Variants in SGK1 observed in about 807,000 individuals in gnomAD.
The protein encoded by SGK1 is serum/glucocorticoid regulated kinase 1.
SGK1 carries 26 observed loss-of-function variants against 64.2 expected under a neutral mutation model. The observed-to-expected ratio is 0.40, with a 90% CI of 0.30 to 0.56. The LOEUF is 0.56. SGK1 is among the 20% of genes least tolerant of loss of function. The probability of loss-of-function intolerance (pLI) is 0.38; values close to 1 mark genes in which losing one functional copy is unlikely to be tolerated. For missense variants in SGK1, 519 were observed against 645.6 expected, an observed-to-expected ratio of 0.80 and a Z score of 2.12; for synonymous variants, 265 against 239.7, an observed-to-expected ratio of 1.11 and a Z score of -0.98.
intron 2 of SGK1, among the ~76,000 whole-genome samples, chr6:134,214,613 TTTAG>T (rs1775947679): frequency 3.7e-5 from 1 of 27,180 alleles, no homozygotes; most frequent in Non-Finnish European, 2.0e-4. Context: ...GTAATTAAAG[TTTAG>T]TTATTTAATA....
rs200176222 is a variant in SGK1, at chr6:134,204,923, T to TCTTC, written c.361+2429_361+2432dup. ...TTTCTTTTTCTTTCTTTCTTTTCTTTCTTCCTTCCTTCCTTCCCTCCCTCC... is the reference window on the plus strand; with the variant it reads ...TTTCTTTTTCTTTCTTTCTTTTCTTTCTTCCTTCCTTCCTTCCTTCCCTCCCTCC... On this transcript the variant is annotated intron_variant, in intron 3 of 13. Transcript: ENST00000367858. Among the ~76,000 whole-genome samples, 20 of 152,146 alleles carry TCTTC rather than the reference T, an allele frequency of 1.3e-4. No homozygotes were observed. In the East Asian group the frequency reaches 3.3e-3, roughly 25 times the overall value.
intron 2 of SGK1, among the ~76,000 whole-genome samples, chr6:134,250,495 G>A (rs1776590741): frequency 1.3e-5 from 2 of 152,154 alleles, no homozygotes; most frequent in Admixed American, 1.3e-4. Context: ...TCAATGACAA[G>A]TAAAAATAGA....
chr6:134,278,043 T>C (rs1777042682), intron 1 of SGK1, among the ~76,000 whole-genome samples: 1 of 152,160 alleles, frequency 6.6e-6, no homozygotes, highest in Non-Finnish European at 1.5e-5. Context: ...ATCCGTAAAA[T>C]GATGATCTTG....
At position 134,199,574 on chromosome 6, in the gene SGK1, A is replaced by AAAG. The variant is rs1554220194; in HGVS notation, c.361+7781_361+7782insCTT. ...ACTCTCTCTCAAAAAAAAAAAAAAA[A>AAAG]AAAGAAAGAGAGTTTACTTATGTAC... On this transcript the variant is annotated intron_variant, in intron 3 of 13. Transcript: ENST00000367858. Among the ~76,000 whole-genome samples, 7 of 151,166 alleles carry AAAG rather than the reference A, an allele frequency of 4.6e-5. No individual in the cohort carries two copies. In the East Asian group the frequency reaches 5.8e-4, roughly 12 times the overall value.
chr6:134,229,654 C>T (rs1449817703), intron 2 of SGK1, among the ~76,000 whole-genome samples: 2 of 152,192 alleles, frequency 1.3e-5, no homozygotes, highest in African/African-American at 4.8e-5. Flanking sequence ...TGCCCCCATG[C>T]TTCATTAACC....
At chr6:134,223,676 A>G (rs1409842664) in intron 2 of SGK1, among the ~76,000 whole-genome samples, 1 of 152,188 alleles carries the variant, frequency 6.6e-6, no homozygotes, top group Non-Finnish European at 1.5e-5. Context: ...TTTATGCTAT[A>G]ATTTGTAATG....
At chr6:134,266,045 G>T (rs939742806) in intron 1 of SGK1, among the ~76,000 whole-genome samples, 1 of 151,804 alleles carries the variant, frequency 6.6e-6, no homozygotes, top group African/African-American at 2.4e-5. Context: ...GTGCAGTGGC[G>T]CGATCTCAGC....
At chr6:134,199,074 G>T (rs1326370762) in intron 3 of SGK1, among the ~76,000 whole-genome samples, 1 of 151,892 alleles carries the variant, frequency 6.6e-6, no homozygotes, top group Non-Finnish European at 1.5e-5. Flanking sequence ...TTAATGTGAT[G>T]AACTATGAGA....
chr6:134,295,071 T>C (rs750944611), intron 1 of SGK1, among the ~76,000 whole-genome samples: 79 of 151,904 alleles, frequency 5.2e-4, no homozygotes, highest in Non-Finnish European at 8.7e-4. Context: ...AATGAATATG[T>C]AATTTTTTTT....
Position 134,170,983 on chromosome 6 carries a change from C to T in SGK1, c.1323+40G>A, listed in dbSNP as rs201165496. 1,334 of 1,612,544 alleles carry T rather than the reference C, an allele frequency of 8.3e-4. 1 individual carries two copies. Among genetic ancestry groups the T allele is most frequent in the Non-Finnish European group, 9.8e-4 (1,157 of 1,178,976 alleles). On this transcript the variant is annotated intron_variant, in intron 12 of 13. Coordinates refer to ENST00000367858, the MANE Select transcript of SGK1 (RefSeq NM_001143676.3). ...AATAAGGGCAGGGAGGTCTAGTGCA[C>T]GTCCCGGCCGGCCCAGGAGGACAGG...
In SGK1 at chr6:134,272,266, G is replaced by A. The variant is rs534094891; in HGVS notation, c.70-10118C>T. Among the ~76,000 whole-genome samples, 20 of 143,608 alleles carry A rather than the reference G, an allele frequency of 1.4e-4. 3 individuals are homozygous for A. The highest frequency in any genetic ancestry group is 2.3e-4 in the Non-Finnish European group (15 of 65,672). The allele number at this position is 143,608 out of a possible 152,430, so 94.2% of individuals were successfully genotyped here. A position where few individuals can be genotyped will look rare whatever the true frequency, so the allele number is the denominator to read the frequency against. ...AGGAATTCTCCTGCCTCAGTCTCCT[G>A]AGTAACTGGGATCACAAGTGTGCAC... is the stretch of plus-strand genomic sequence containing the variant. On this transcript the variant is annotated intron_variant, in intron 1 of 13. Coordinates refer to ENST00000367858, the MANE Select transcript of SGK1 (RefSeq NM_001143676.3).
At chr6:134,256,646 A>G (rs998388158) in intron 2 of SGK1, among the ~76,000 whole-genome samples, 6 of 152,162 alleles carry the variant, frequency 3.9e-5, no homozygotes, top group Admixed American at 3.3e-4. Context: ...TTTGTGGCCT[A>G]TAAGTTAGTT....
chr6:134,268,512 G>A (rs1280632531), intron 1 of SGK1, among the ~76,000 whole-genome samples: 1 of 151,676 alleles, frequency 6.6e-6, no homozygotes, highest in Middle Eastern at 3.2e-3. Flanking sequence ...CACGAGGTCA[G>A]TAGATCGAGA....
intron 3 of SGK1, among the ~76,000 whole-genome samples, chr6:134,195,228 G>C (rs79274754): frequency 0.027 from 4,135 of 152,248 alleles, 170 homozygotes; most frequent in African/African-American, 0.094. Context: ...TTAGAAAAAC[G>C]AGCTATTGTG....
chr6:134,237,163 T>A (rs1776377610), intron 2 of SGK1, among the ~76,000 whole-genome samples: 1 of 150,798 alleles, frequency 6.6e-6, no homozygotes, highest in African/African-American at 2.4e-5. Flanking sequence ...CAAGCGATCC[T>A]CCTACCTTAG....
chr6:134,174,414 G>T (rs1029787641), intron 4 of SGK1, 97 bp downstream of exon 4: 15 of 812,338 alleles, frequency 1.8e-5, no homozygotes, highest in Admixed American at 4.6e-5. Context: ...CACCCCAGAA[G>T]AAGTCTTCGC....
chr6:134,261,753 A>C, intron 2 of SGK1, 180 bp downstream of exon 2: 1 of 632,458 alleles, frequency 1.6e-6, no homozygotes, highest in Non-Finnish European at 2.8e-6. Context: ...TAAAATATAA[A>C]GCCTACTTTA....
intron 1 of SGK1, among the ~76,000 whole-genome samples, chr6:134,301,801 T>A (rs1777462223): frequency 6.6e-6 from 1 of 152,106 alleles, no homozygotes; most frequent in South Asian, 2.1e-4. Context: ...CTTGCTGTGT[T>A]GCCCAGGCTG....
At chr6:134,177,691 T>C in intron 3 of SGK1, 1 of 1,614,028 alleles carries the variant, frequency 6.2e-7, no homozygotes, top group Non-Finnish European at 8.5e-7. Flanking sequence ...TAGCTTCTTC[T>C]TTCATTCTTC....
Sources: allele counts gnomAD v4.1 joint callset (sites outside exome capture counted in the v4.1 genomes callset), GRCh38; gene constraint gnomAD v4.1.1; transcripts MANE v1.5; gene names NCBI Gene and HGNC (gene_info 2026-07-23, HGNC 2026-07-21).